The following ZDHHC20 variants were observed in gnomAD, a reference collection of about 807,000 sequenced individuals.
ZDHHC20 encodes the protein palmitoyltransferase ZDHHC20.
A neutral mutation model predicts 57.8 loss-of-function variants in ZDHHC20; 43 were observed. The ratio of observed to expected loss-of-function variants is 0.74; its 90% CI spans 0.58 to 0.96. The LOEUF is 0.96. Among genes scored for constraint, ZDHHC20 ranks in the 40% least tolerant of loss-of-function variants. The probability of loss-of-function intolerance (pLI) is 0.00; values close to 1 mark genes in which losing one functional copy is unlikely to be tolerated. For synonymous variants in ZDHHC20, 157 were observed against 153.0 expected, an observed-to-expected ratio of 1.03 and a Z score of -0.19; for missense variants, 391 against 441.1, an observed-to-expected ratio of 0.89 and a Z score of 1.02.
intron 11 of ZDHHC20, among the ~76,000 whole-genome samples, chr13:21,380,774 G>A (rs1873224122): frequency 6.7e-6 from 1 of 148,702 alleles, no homozygotes; most frequent in South Asian, 2.1e-4. Flanking sequence ...CCTGGTGACA[G>A]AGCGAAATTC....
chr13:21,379,854 G>A (rs112159210), intron 11 of ZDHHC20, among the ~76,000 whole-genome samples: 9,405 of 130,536 alleles, frequency 0.072, 460 homozygotes, highest in Non-Finnish European at 0.098. Context: ...TCTCGCTGTC[G>A]CCCAGGCTGG....
chr13:21,393,921 A>C (rs1055329133), intron 7 of ZDHHC20, among the ~76,000 whole-genome samples: 4 of 152,160 alleles, frequency 2.6e-5, no homozygotes, highest in African/African-American at 7.2e-5. Context: ...ACAAACAAAC[A>C]AACCTCTGAC....
At chr13:21,384,109 A>C (rs910729769) in intron 9 of ZDHHC20, among the ~76,000 whole-genome samples, 4 of 151,686 alleles carry the variant, frequency 2.6e-5, no homozygotes, top group Non-Finnish European at 5.9e-5. Context: ...AGAACAAGGT[A>C]GTTTCACTGA....
chr13:21,394,289 C>T (rs1332045459), intron 7 of ZDHHC20, among the ~76,000 whole-genome samples: 1 of 152,224 alleles, frequency 6.6e-6, no homozygotes, highest in Non-Finnish European at 1.5e-5. Flanking sequence ...CCTGAATGCT[C>T]TTCTCTCAGA....
rs1229623376 is a variant in ZDHHC20, at chr13:21,400,376, C to T, written c.591G>A (p.Trp197Ter). 6.3e-7 allele frequency: 1 copy of T among 1,581,898 alleles called. No individual in the cohort carries two copies. Among genetic ancestry groups the T allele is most frequent in the Non-Finnish European group, 8.5e-7 (1 of 1,171,474 alleles). Reference protein sequence around the residue: ...ATVLEYFIKFWTNELTDTRAK... With the variant: ...ATVLEYFIKF ...CAAGATAGAAAAAAAGACTTACCGT[C>T]CAAAATTTTATAAAGTACTCTAAAA... Residue 197 changes from tryptophan to a stop codon, truncating the protein, a stop_gained, in exon 7 of 13, where the codon TGG becomes TGA. Coordinates refer to ENST00000400590, the MANE Select transcript of ZDHHC20 (RefSeq NM_001330059.2). LOFTEE classifies it high-confidence loss of function.
intron 7 of ZDHHC20, among the ~76,000 whole-genome samples, chr13:21,395,214 C>G (rs1876562777): frequency 6.6e-6 from 1 of 151,374 alleles, no homozygotes; most frequent in South Asian, 2.1e-4. Context: ...CTACAGGCGC[C>G]AGCTACCAGG....
chr13:21,457,022 G>C (rs918732800), intron 1 of ZDHHC20, among the ~76,000 whole-genome samples: 1 of 152,178 alleles, frequency 6.6e-6, no homozygotes, highest in Non-Finnish European at 1.5e-5. Flanking sequence ...TCCACCTGTA[G>C]AGATACCTAT....
chr13:21,428,534 T>A (rs1408712140), intron 1 of ZDHHC20, among the ~76,000 whole-genome samples: 1 of 151,990 alleles, frequency 6.6e-6, no homozygotes, highest in Admixed American at 6.5e-5. Flanking sequence ...CTATGTTTTT[T>A]AAAAATTCTT....
intron 4 of ZDHHC20, chr13:21,404,440 A>G: frequency 2.2e-6 from 1 of 448,016 alleles, no homozygotes; most frequent in Non-Finnish European, 4.5e-6. Context: ...AAATACAAGG[A>G]CATTACATGG....
At chr13:21,392,402 CTAAT>C (rs1404899821) in intron 7 of ZDHHC20, among the ~76,000 whole-genome samples, 2 of 152,166 alleles carry the variant, frequency 1.3e-5, no homozygotes, top group African/African-American at 4.8e-5. Flanking sequence ...TAACTAAAAA[CTAAT>C]TGTGAAATAT....
chr13:21,411,033 C>T (rs1193732748), intron 4 of ZDHHC20, among the ~76,000 whole-genome samples: 2 of 152,198 alleles, frequency 1.3e-5, no homozygotes, highest in Non-Finnish European at 2.9e-5. Context: ...TTGCGAAGAC[C>T]GTGGGAAAAG....
chr13:21,381,735 T>C (rs117861653), intron 10 of ZDHHC20, among the ~76,000 whole-genome samples, 186 bp from the exon 11 acceptor site: 20 of 152,296 alleles, frequency 1.3e-4, no homozygotes, highest in Admixed American at 5.2e-4. Context: ...TAAATGGCTC[T>C]CTAGACCCAA....
intron 9 of ZDHHC20, among the ~76,000 whole-genome samples, chr13:21,385,996 G>A (rs1201602112): frequency 1.3e-5 from 2 of 152,144 alleles, no homozygotes; most frequent in African/African-American, 2.4e-5. Flanking sequence ...AAATCCTATC[G>A]ACTTAGAATT....
chr13:21,417,659 G>A (rs1880153307), intron 3 of ZDHHC20, among the ~76,000 whole-genome samples: 1 of 152,158 alleles, frequency 6.6e-6, no homozygotes, highest in South Asian at 2.1e-4. Flanking sequence ...GGCTGGTCTC[G>A]AACTCCTGAC....
intron 1 of ZDHHC20, among the ~76,000 whole-genome samples, chr13:21,430,983 G>T (rs578052852): frequency 5.5e-4 from 84 of 152,154 alleles, no homozygotes; most frequent in Non-Finnish European, 8.4e-4. Context: ...TTTTACTGCC[G>T]AATAGCATTC....
rs1476297125 is a variant in ZDHHC20 at position 21,372,771 on chromosome 13, C to T, written c.*3925G>A. The T allele has an allele frequency of 3.3e-5, 5 of 152,134 alleles. No individual in the cohort carries two copies. The highest frequency in any genetic ancestry group is 1.2e-4 in the African/African-American group (5 of 41,454). The allele number at this position is 152,134 out of a possible 1,614,324, so 9.4% of individuals were successfully genotyped here. A position where few individuals can be genotyped will look rare whatever the true frequency, so the allele number is the denominator to read the frequency against. ...ATGGTACTTGTTAGGTAAACACAAC[C>T]AAACTAAACTGTACTTCAAATTTGT... On this transcript the variant is annotated 3_prime_UTR_variant, in exon 13 of 13. Transcript: ENST00000400590.
At chr13:21,422,485 C>T (rs1014822926) in intron 2 of ZDHHC20, among the ~76,000 whole-genome samples, 1 of 152,054 alleles carries the variant, frequency 6.6e-6, no homozygotes, top group Non-Finnish European at 1.5e-5. Context: ...GGGTTCATGC[C>T]AGATCTCAGA....
chr13:21,382,183 A>G (rs1411543279), intron 10 of ZDHHC20, among the ~76,000 whole-genome samples: 1 of 152,230 alleles, frequency 6.6e-6, no homozygotes, highest in African/African-American at 2.4e-5. Flanking sequence ...ACTGAGGCTC[A>G]TAGTTTAAGT....
At chr13:21,391,981 A>G in intron 7 of ZDHHC20, 127 bp from the exon 8 acceptor site, 1 of 1,084,638 alleles carries the variant, frequency 9.2e-7, no homozygotes, top group Non-Finnish European at 1.3e-6. Context: ...ATTACTTAAT[A>G]TATCCCAATG....
Sources: gnomAD v4.1 joint callset for allele counts (sites outside exome capture counted in the v4.1 genomes callset) on GRCh38, gnomAD v4.1.1 for gene constraint, MANE v1.5 for transcripts, NCBI Gene and HGNC (gene_info 2026-07-23, HGNC 2026-07-21) for gene names.